The following SLC35F1 variants were observed in gnomAD, a reference collection of about 807,000 sequenced individuals.
SLC35F1 encodes the protein solute carrier family 35 member F1.
In SLC35F1, 14 loss-of-function variants were observed where a neutral mutation model predicts 48.7. The observed-to-expected ratio is 0.29, with a 90% confidence interval of 0.19 to 0.45. The LOEUF is 0.45. Ranked by LOEUF, SLC35F1 falls within the 20% of genes least tolerant of loss-of-function variation. SLC35F1 has a pLI of 1.00. For missense variants in SLC35F1, 404 were observed against 500.0 expected (o/e 0.81, Z 1.83); for synonymous variants, 190 against 202.2 (o/e 0.94, Z 0.51).
At chr6:117,939,133 G>A (rs1007117949) in intron 1 of SLC35F1, among the ~76,000 whole-genome samples, 8 of 150,592 alleles carry the variant, frequency 5.3e-5, no homozygotes, top group African/African-American at 1.7e-4. Context: ...CCAAGTAGCT[G>A]TGACTACAGG....
At chr6:118,302,357 C>A (rs938381853) in intron 7 of SLC35F1, among the ~76,000 whole-genome samples, 17 of 151,978 alleles carry the variant, frequency 1.1e-4, no homozygotes, top group Admixed American at 2.0e-4. Context: ...ATATAGTGCA[C>A]CCCAGGAGGA....
Position 118,085,322 on chromosome 6 carries a change from C to T in SLC35F1, c.174-69123C>T, listed in dbSNP as rs116812413. ...TATAGTTAGGGCCTGTCAGCTCTAG[C>T]TTGGACCAAATCCCCTTGGATTTTC... On this transcript the variant is annotated intron_variant, in intron 1 of 7. Transcript: ENST00000360388. Among the ~76,000 whole-genome samples, 644 of 152,208 alleles carry T rather than the reference C, an allele frequency of 4.2e-3. 3 individuals are homozygous for T. The highest frequency in any genetic ancestry group is 0.015 in the African/African-American group (614 of 41,530).
chr6:118,294,732 T>C (rs11153727), intron 7 of SLC35F1, among the ~76,000 whole-genome samples: 4,662 of 152,216 alleles, frequency 0.031, 112 homozygotes, highest in African/African-American at 0.066. Flanking sequence ...CCACAGACCA[T>C]CCTGTTTGAA....
At chr6:117,950,424 C>G (rs1306691886) in intron 1 of SLC35F1, among the ~76,000 whole-genome samples, 1 of 152,204 alleles carries the variant, frequency 6.6e-6, no homozygotes, top group Non-Finnish European at 1.5e-5. Flanking sequence ...CTGCCTCTCC[C>G]AGTTCTTAAC....
At chr6:118,292,943 A>G (rs1382953580) in intron 7 of SLC35F1, among the ~76,000 whole-genome samples, 1 of 152,190 alleles carries the variant, frequency 6.6e-6, no homozygotes, top group Non-Finnish European at 1.5e-5. Flanking sequence ...TGACAACATT[A>G]TTGAATCCAG....
chr6:118,177,125 A>G (rs953407379), intron 2 of SLC35F1, among the ~76,000 whole-genome samples: 8 of 152,086 alleles, frequency 5.3e-5, no homozygotes, highest in Non-Finnish European at 1.2e-4. Flanking sequence ...GTCACATTAA[A>G]TCACCAAAAC....
chr6:118,057,349 A>C (rs1175812308), intron 1 of SLC35F1, among the ~76,000 whole-genome samples: 1 of 152,100 alleles, frequency 6.6e-6, no homozygotes, highest in Non-Finnish European at 1.5e-5. Context: ...GCAGATATAC[A>C]CTTCTGCCAA....
At chr6:118,079,312 A>G (rs893332024) in intron 1 of SLC35F1, among the ~76,000 whole-genome samples, 9 of 152,160 alleles carry the variant, frequency 5.9e-5, no homozygotes, top group East Asian at 1.9e-4. Context: ...ACTTAGCATA[A>G]TGTCTTCAAA....
chr6:118,213,915 C>T (rs1333089254), intron 2 of SLC35F1, among the ~76,000 whole-genome samples: 1 of 152,150 alleles, frequency 6.6e-6, no homozygotes, highest in Non-Finnish European at 1.5e-5. Flanking sequence ...AACACTTCAA[C>T]TTGACATGGA....
chr6:118,262,161 C>T (rs890991100), intron 3 of SLC35F1, among the ~76,000 whole-genome samples: 9 of 152,014 alleles, frequency 5.9e-5, no homozygotes, highest in East Asian at 1.9e-4. Context: ...GGGGGCTGCG[C>T]GCATCATGAT....
chr6:118,012,322 T>TGG (rs68094027), intron 1 of SLC35F1, among the ~76,000 whole-genome samples: 3 of 115,836 alleles, frequency 2.6e-5, no homozygotes, highest in African/African-American at 9.9e-5. Flanking sequence ...GGACAATAAA[T>TGG]GGGGAAAAAA....
At chr6:118,175,209 G>T (rs947563605) in intron 2 of SLC35F1, among the ~76,000 whole-genome samples, 1 of 151,992 alleles carries the variant, frequency 6.6e-6, no homozygotes, top group Non-Finnish European at 1.5e-5. Flanking sequence ...TAAAATTAAA[G>T]TAAAGTCAAA....
intron 2 of SLC35F1, among the ~76,000 whole-genome samples, chr6:118,229,984 C>A (rs1178711118): frequency 6.6e-6 from 1 of 152,162 alleles, no homozygotes; most frequent in Non-Finnish European, 1.5e-5. Flanking sequence ...CCATACTCTA[C>A]AGTCCTTTAA....
intron 1 of SLC35F1, among the ~76,000 whole-genome samples, chr6:118,137,580 G>T (rs538017928): frequency 1.1e-4 from 17 of 152,096 alleles, no homozygotes; most frequent in African/African-American, 4.1e-4. Context: ...ACTTATCAAA[G>T]TGCACTGGAC....
intron 2 of SLC35F1, among the ~76,000 whole-genome samples, chr6:118,234,784 T>C (rs1198652838): frequency 2.0e-5 from 3 of 152,228 alleles, no homozygotes; most frequent in African/African-American, 7.2e-5. Flanking sequence ...CTGATCATGA[T>C]TGCCCTGCCT....
At chr6:118,230,255 G>A (rs1030240462) in intron 2 of SLC35F1, among the ~76,000 whole-genome samples, 9 of 151,840 alleles carry the variant, frequency 5.9e-5, no homozygotes, top group East Asian at 5.8e-4. Flanking sequence ...CAGGAGCATC[G>A]CTTGAACCCG....
At chr6:118,084,019 A>C (rs1443654237) in intron 1 of SLC35F1, among the ~76,000 whole-genome samples, 1 of 152,194 alleles carries the variant, frequency 6.6e-6, no homozygotes, top group Non-Finnish European at 1.5e-5. Context: ...TATTTTGTTT[A>C]ATTCTCATAA....
intron 7 of SLC35F1, among the ~76,000 whole-genome samples, chr6:118,310,543 G>C (rs930655274): frequency 1.6e-4 from 25 of 151,722 alleles, no homozygotes; most frequent in African/African-American, 5.6e-4. Flanking sequence ...AAACCTTTCT[G>C]TCAACATTTA....
intron 1 of SLC35F1, among the ~76,000 whole-genome samples, chr6:118,127,844 A>C (rs1166425476): frequency 2.6e-5 from 4 of 150,954 alleles, no homozygotes; most frequent in African/African-American, 9.7e-5. Flanking sequence ...TCTGCACAGC[A>C]AAAGAAACTA....
Sources: allele counts gnomAD v4.1 joint callset (sites outside exome capture counted in the v4.1 genomes callset), GRCh38; gene constraint gnomAD v4.1.1; transcripts MANE v1.5; gene names NCBI Gene and HGNC (gene_info 2026-07-23, HGNC 2026-07-21).